SOX5: variants seen among roughly 807,000 people sequenced by gnomAD.
SOX5 encodes the protein SRY-box transcription factor 5, also known as transcription factor SOX-5.
Under a neutral mutation model 92.0 loss-of-function variants are expected in SOX5, and 9 were observed. The observed-to-expected ratio is 0.10, with a 90% CI of 0.06 to 0.17. SOX5 has a LOEUF of 0.17. Ranked by LOEUF, SOX5 falls within the 10% of genes least tolerant of loss-of-function variation. The pLI is 1.00. For synonymous variants in SOX5, 344 were observed against 336.3 expected, an observed-to-expected ratio of 1.02 and a Z score of -0.25; for missense variants, 642 against 944.5, an observed-to-expected ratio of 0.68 and a Z score of 4.20.
intron 1 of SOX5, among the ~76,000 whole-genome samples, chr12:24,428,832 A>G (rs1307892290): frequency 1.3e-5 from 2 of 151,078 alleles, no homozygotes; most frequent in East Asian, 1.9e-4. Flanking sequence ...TGCAACTTCA[A>G]GACAGCATAG....
At chr12:23,735,286 A>AT (rs200399825) in intron 5 of SOX5, among the ~76,000 whole-genome samples, 3,431 of 151,134 alleles carry the variant, frequency 0.023, 124 homozygotes, top group African/African-American at 0.077. Flanking sequence ...TTCTGTTTCC[A>AT]TTTTTTTTTA....
At chr12:24,038,613 T>TATATAATATAATTTA in intron 4 of SOX5, among the ~76,000 whole-genome samples, 1 of 152,094 alleles carries the variant, frequency 6.6e-6, no homozygotes, top group Non-Finnish European at 1.5e-5. Context: ...GTGGTCCACG[T>TATATAATATAATTTA]AGAGCACAAT....
chr12:23,711,227 C>T (rs911315226), intron 6 of SOX5, among the ~76,000 whole-genome samples: 1 of 152,108 alleles, frequency 6.6e-6, no homozygotes, highest in Non-Finnish European at 1.5e-5. Flanking sequence ...CTTGATGAAG[C>T]CTTATTATCT....
intron 2 of SOX5, among the ~76,000 whole-genome samples, chr12:24,290,699 C>T (rs551715076): frequency 1.4e-4 from 22 of 152,068 alleles, no homozygotes; most frequent in South Asian, 2.1e-4. Context: ...GACGGACTCA[C>T]GCTATAAAGA....
chr12:23,665,896 C>T lies in SOX5; in HGVS notation c.811-332G>A, dbSNP rs78160200. ...CTAATGAAATGGCTAAAAAATTATCCCATAGAAGGAACTGAAATCGCCCTC... is the reference window on the plus strand; with the variant it reads ...CTAATGAAATGGCTAAAAAATTATCTCATAGAAGGAACTGAAATCGCCCTC... On this transcript the variant is annotated intron_variant, in intron 6 of 14. Coordinates refer to ENST00000451604, the MANE Select transcript of SOX5 (RefSeq NM_006940.6). Among the ~76,000 whole-genome samples the T allele has an allele frequency of 6.2e-4, 95 of 152,102 alleles. 1 individual carries two copies. The East Asian group carries it at 0.012, about 20-fold the overall frequency.
At chr12:23,562,700 C>T (rs1197559636) in intron 11 of SOX5, among the ~76,000 whole-genome samples, 2 of 152,154 alleles carry the variant, frequency 1.3e-5, no homozygotes, top group Non-Finnish European at 2.9e-5. Flanking sequence ...TCAGAAGTTT[C>T]ACTGGCCTTA....
At chr12:24,183,897 C>T (rs1002384824) in intron 4 of SOX5, among the ~76,000 whole-genome samples, 2 of 152,092 alleles carry the variant, frequency 1.3e-5, no homozygotes, top group Non-Finnish European at 2.9e-5. Context: ...TACCTACTCG[C>T]CTTCAATTAA....
intron 3 of SOX5, among the ~76,000 whole-genome samples, chr12:23,773,539 T>C (rs938577408): frequency 6.6e-6 from 1 of 152,082 alleles, no homozygotes; most frequent in African/African-American, 2.4e-5. Flanking sequence ...GTCTGACTAA[T>C]TTTTGTATTT....
chr12:24,211,363 T>G (rs142910727), intron 4 of SOX5, among the ~76,000 whole-genome samples: 4 of 152,342 alleles, frequency 2.6e-5, no homozygotes, highest in African/African-American at 9.6e-5. Flanking sequence ...TTTTCTTCCA[T>G]AGGAATGAAA....
At chr12:24,000,186 T>C (rs763723972) in intron 4 of SOX5, among the ~76,000 whole-genome samples, 1 of 151,372 alleles carries the variant, frequency 6.6e-6, no homozygotes. Flanking sequence ...GGAGCTATAA[T>C]GGAGCAAGAA....
chr12:23,927,035 A>T (rs1433754722), intron 1 of SOX5, among the ~76,000 whole-genome samples: 1 of 152,146 alleles, frequency 6.6e-6, no homozygotes, highest in Non-Finnish European at 1.5e-5. Flanking sequence ...AAATTTTAAA[A>T]ATTAGAACAA....
chr12:24,494,887 T>C (rs984212409), intron 1 of SOX5, among the ~76,000 whole-genome samples: 1 of 152,116 alleles, frequency 6.6e-6, no homozygotes, highest in African/African-American at 2.4e-5. Flanking sequence ...TTCAACAAAT[T>C]TATCGCAAAA....
chr12:23,794,816 T>C (rs1012349497), intron 3 of SOX5, among the ~76,000 whole-genome samples: 7 of 152,192 alleles, frequency 4.6e-5, no homozygotes, highest in Non-Finnish European at 1.0e-4. Context: ...TTCATTTTTA[T>C]AGTACTGGCA....
At chr12:24,202,459 T>C (rs1957616204) in intron 4 of SOX5, among the ~76,000 whole-genome samples, 1 of 152,184 alleles carries the variant, frequency 6.6e-6, no homozygotes, top group African/African-American at 2.4e-5. Flanking sequence ...AATAATACAA[T>C]CATCAAAACC....
chr12:23,558,994 C>T (rs1945734196), intron 11 of SOX5, among the ~76,000 whole-genome samples: 1 of 152,192 alleles, frequency 6.6e-6, no homozygotes, highest in African/African-American at 2.4e-5. Context: ...GCACAGTCTT[C>T]CCAGGTTAAG....
In SOX5 at chr12:24,253,046, A is replaced by G. The variant is rs922722537; in HGVS notation, c.-77+24170T>C. Among the ~76,000 whole-genome samples the G allele has an allele frequency of 3.3e-5, 5 of 152,312 alleles. No individual in the cohort carries two copies. In the South Asian group the frequency reaches 1.0e-3, roughly 32 times the overall value. ...TTTTTAAGCACAATAGCAGAAAATG[A>G]TGCACTTCAGCTAGGAAACAAGAGA... On this transcript the variant is annotated intron_variant, in intron 3 of 4. Coordinates refer to the SOX5 transcript ENST00000446891.
rs528606404 is a variant in SOX5 at position 24,358,908 on chromosome 12, A to G, written c.-174+9655T>C. The stretch of plus-strand genomic sequence containing the variant: ...ATAGACACTCTGGATAGTATTACAT[A>G]CATGCTTCTTCACTAAAGTCTCACG... On this transcript the variant is annotated intron_variant, in intron 2 of 4. Transcript: ENST00000446891. Among the ~76,000 whole-genome samples the G allele has an allele frequency of 3.2e-4, 49 of 152,368 alleles. No individual in the cohort carries two copies. The South Asian group carries it at 4.8e-3, about 15-fold the overall frequency.
chr12:24,382,585 A>T (rs950278942), intron 1 of SOX5, among the ~76,000 whole-genome samples: 4 of 152,078 alleles, frequency 2.6e-5, no homozygotes, highest in African/African-American at 9.7e-5. Context: ...GACTAATCTG[A>T]TTTACACTTC....
intron 1 of SOX5, among the ~76,000 whole-genome samples, chr12:23,933,520 G>A (rs1277367167): frequency 6.6e-6 from 1 of 151,620 alleles, no homozygotes; most frequent in Non-Finnish European, 1.5e-5. Flanking sequence ...GAGAAAGCAT[G>A]TAAAGTTACC....
Sources: allele counts gnomAD v4.1 joint callset (sites outside exome capture counted in the v4.1 genomes callset), GRCh38; gene constraint gnomAD v4.1.1; transcripts MANE v1.5; gene names NCBI Gene and HGNC (gene_info 2026-07-23, HGNC 2026-07-21).